The following SCAPER variants were observed in gnomAD, a reference collection of about 807,000 sequenced individuals.
The protein encoded by SCAPER is S-phase cyclin A associated protein in the ER.
In SCAPER, 98 loss-of-function variants were observed where a neutral mutation model predicts 182.2. The ratio of observed to expected loss-of-function variants is 0.54; its 90% confidence interval spans 0.46 to 0.64. SCAPER has a LOEUF of 0.64. Ranked by LOEUF, SCAPER falls within the 30% of genes least tolerant of loss-of-function variation. SCAPER has a pLI of 0.00. For synonymous variants in SCAPER, 605 were observed against 564.6 expected (o/e 1.07, Z -1.01); for missense variants, 1,432 against 1,690.0 (o/e 0.85, Z 2.68).
chr15:76,651,702 A>G (rs2055059977), intron 21 of SCAPER, among the ~76,000 whole-genome samples: 1 of 151,692 alleles, frequency 6.6e-6, no homozygotes, highest in Admixed American at 6.6e-5. Context: ...AGAAGAAATG[A>G]CACCAATCCT....
chr15:76,882,031 T>A (rs2073574370), intron 2 of SCAPER, among the ~76,000 whole-genome samples: 1 of 152,100 alleles, frequency 6.6e-6, no homozygotes, highest in Non-Finnish European at 1.5e-5. Flanking sequence ...TAAATTAAAA[T>A]TAAATCAAAG....
chr15:76,692,759 G>A (rs187856546), intron 20 of SCAPER, among the ~76,000 whole-genome samples: 177 of 128,096 alleles, frequency 1.4e-3, no homozygotes, highest in African/African-American at 4.7e-3. Flanking sequence ...ATGAAAGGAA[G>A]AAAAATAACA....
chr15:76,681,437 A>T (rs926574811), intron 20 of SCAPER, among the ~76,000 whole-genome samples: 5 of 152,252 alleles, frequency 3.3e-5, no homozygotes, highest in African/African-American at 1.2e-4. Context: ...CAAAGGGGAT[A>T]CAAAACAGTG....
intron 17 of SCAPER, among the ~76,000 whole-genome samples, chr15:76,727,083 G>A (rs1456477461): frequency 6.6e-6 from 1 of 151,958 alleles, no homozygotes; most frequent in East Asian, 1.9e-4. Context: ...GCTTGAACAT[G>A]TAAGTTTGAT....
intron 4 of SCAPER, chr15:76,855,760 C>A (rs991811828): frequency 2.0e-5 from 6 of 295,980 alleles, no homozygotes; most frequent in Admixed American, 7.0e-5. Flanking sequence ...ACTAAAAAGT[C>A]AAAAAAATAA....
intron 25 of SCAPER, among the ~76,000 whole-genome samples, chr15:76,455,785 A>G (rs1020482075): frequency 1.3e-5 from 2 of 152,186 alleles, no homozygotes; most frequent in South Asian, 2.1e-4. Flanking sequence ...TTTTAAGCCC[A>G]CATGCATTAG....
Position 76,733,294 on chromosome 15 carries a change from T to C in SCAPER, c.1957A>G (p.Asn653Asp), listed in dbSNP as rs1166428257. ...SKLKEYEQRL[N>D]ELQEERQRRQ... The stretch of plus-strand genomic sequence containing the variant: ...CTCTGACGCTCTTCCTGTAGCTCAT[T>C]AAGCCTCTGTTCATATTCCTTCAAT... The change falls in exon 16 of 32, where the codon AAT becomes GAT. Residue 653 changes from asparagine to aspartate, a missense_variant. Transcript: ENST00000563290. 18 of 1,611,076 alleles carry C rather than the reference T, an allele frequency of 1.1e-5. No individual in the cohort carries two copies. Among genetic ancestry groups the C allele is most frequent in the Non-Finnish European group, 1.5e-5 (18 of 1,178,486 alleles).
rs1466656043 is a variant in SCAPER at position 76,765,633 on chromosome 15, G to T, written c.1425C>A (p.Ser475Arg). The stretch of plus-strand genomic sequence containing the variant: ...AGAAAGAAACACTCCCACTGCCCAT[G>T]CTGGCCTAAAATGTAATAAGGGAAG... ...ETDNDSDFSASMGSGSVSFCG... is the reference protein window; with the variant it reads ...ETDNDSDFSARMGSGSVSFCG... The change falls in exon 12 of 32, where the codon AGC (serine) becomes AGA (arginine). Residue 475 changes from serine (S) to arginine (R), a missense_variant. Physicochemically the swap from Ser to Arg is moderately radical, Grantham distance 110. Transcript: ENST00000563290. The T allele has an allele frequency of 5.7e-6, 9 of 1,575,514 alleles. No homozygotes were observed. In the South Asian group the frequency reaches 1.0e-4, roughly 18 times the overall value.
intron 23 of SCAPER, among the ~76,000 whole-genome samples, chr15:76,561,406 T>C (rs116444888): frequency 1.0e-3 from 158 of 152,318 alleles, no homozygotes; most frequent in African/African-American, 3.7e-3. Flanking sequence ...CCATAAAGTA[T>C]TTTATATACT....
At chr15:76,811,138 A>G (rs9635380) in intron 5 of SCAPER, among the ~76,000 whole-genome samples, 37,317 of 144,248 alleles carry the variant, frequency 0.26, 5,762 homozygotes, top group East Asian at 0.54. Context: ...AAAAAAAAAG[A>G]CAACGAAACA....
In SCAPER at chr15:76,719,911, T is replaced by C. The variant is rs1567910334; in HGVS notation, c.2165+8684A>G. 3.9e-5 allele frequency among the ~76,000 whole-genome samples: 6 copies of C among 152,048 alleles called. No homozygotes were observed. The South Asian group carries it at 1.2e-3, about 32-fold the overall frequency. ...ATTTATTGTGGTTGCTGAAACAAAA[T>C]AAATGGTATTTCTTTTTTTTTTTAA... On this transcript the variant is annotated intron_variant, in intron 17 of 31. Transcript: ENST00000563290.
chr15:76,875,872 A>T (rs2073105749), intron 2 of SCAPER, among the ~76,000 whole-genome samples: 1 of 152,074 alleles, frequency 6.6e-6, no homozygotes, highest in African/African-American at 2.4e-5. Context: ...GCGAAAGAGC[A>T]GGGGGCGGCG....
chr15:76,736,354 G>A (rs1042885764), intron 15 of SCAPER, among the ~76,000 whole-genome samples: 1 of 152,138 alleles, frequency 6.6e-6, no homozygotes, highest in East Asian at 1.9e-4. Flanking sequence ...AGTGGCTGTG[G>A]CAATTTCTTA....
intron 20 of SCAPER, among the ~76,000 whole-genome samples, chr15:76,700,794 A>G (rs12440511): frequency 0.27 from 40,425 of 152,094 alleles, 6,292 homozygotes; most frequent in East Asian, 0.55. Flanking sequence ...AGCTTCACAT[A>G]AACAATAGGG....
At chr15:76,359,095 A>T (rs886381231) in intron 29 of SCAPER, among the ~76,000 whole-genome samples, 5 of 152,226 alleles carry the variant, frequency 3.3e-5, no homozygotes, top group African/African-American at 4.8e-5. Context: ...AATGTTAGTT[A>T]TGAGTGTTTG....
At chr15:76,479,121 A>G (rs1194202568) in intron 24 of SCAPER, among the ~76,000 whole-genome samples, 12 of 152,172 alleles carry the variant, frequency 7.9e-5, no homozygotes, top group Non-Finnish European at 1.5e-4. Context: ...TAGGCTCACA[A>G]AACTCTCCTG....
At chr15:76,661,241 G>GGCAGTA (rs2056130992) in intron 21 of SCAPER, among the ~76,000 whole-genome samples, 2 of 152,058 alleles carry the variant, frequency 1.3e-5, no homozygotes, top group African/African-American at 4.8e-5. Context: ...AGAAAATAGA[G>GGCAGTA]GCAGTACCTT....
At chr15:76,802,270 A>G (rs935830206) in intron 6 of SCAPER, among the ~76,000 whole-genome samples, 1 of 152,200 alleles carries the variant, frequency 6.6e-6, no homozygotes, top group Non-Finnish European at 1.5e-5. Context: ...GACCCGGTAT[A>G]GGCTCTCAAA....
chr15:76,659,261 G>C (rs2055919680), intron 21 of SCAPER, among the ~76,000 whole-genome samples: 1 of 151,900 alleles, frequency 6.6e-6, no homozygotes, highest in South Asian at 2.1e-4. Flanking sequence ...AGTGGGCAAA[G>C]AATATTACAG....
Sources: allele counts gnomAD v4.1 joint callset (sites outside exome capture counted in the v4.1 genomes callset), GRCh38; gene constraint gnomAD v4.1.1; transcripts MANE v1.5; gene names NCBI Gene and HGNC (gene_info 2026-07-23, HGNC 2026-07-21).